The following CNTN5 variants were observed in gnomAD, a reference collection of about 807,000 sequenced individuals.
The protein encoded by CNTN5 is contactin 5.
A neutral mutation model predicts 129.1 loss-of-function variants in CNTN5; 77 were observed. The observed-to-expected ratio is 0.60, with a 90% CI of 0.50 to 0.72. The LOEUF is 0.72. CNTN5 is among the 30% of genes least tolerant of loss of function. The probability of loss-of-function intolerance (pLI) is 0.00; values close to 1 mark genes in which losing one functional copy is unlikely to be tolerated. For missense variants in CNTN5, 1,478 were observed against 1,328.8 expected (o/e 1.11, Z -1.75); for synonymous variants, 509 against 465.6 (o/e 1.09, Z -1.20).
intron 1 of CNTN5, among the ~76,000 whole-genome samples, chr11:99,084,114 G>GTGC (rs1555038276): frequency 6.6e-5 from 10 of 152,112 alleles, no homozygotes; most frequent in Non-Finnish European, 1.2e-4. Context: ...GTATCCACAC[G>GTGC]TGCTACACTT....
intron 1 of CNTN5, among the ~76,000 whole-genome samples, chr11:99,174,852 G>A (rs1857697027): frequency 6.6e-6 from 1 of 152,010 alleles, no homozygotes; most frequent in Non-Finnish European, 1.5e-5. Context: ...TACTTGTTAT[G>A]TGATAAAATT....
chr11:99,425,886 G>A (rs570081251), intron 2 of CNTN5, among the ~76,000 whole-genome samples: 1 of 152,348 alleles, frequency 6.6e-6, no homozygotes, highest in Non-Finnish European at 1.5e-5. Flanking sequence ...TGTCTTCACA[G>A]CGCTGCTCCA....
intron 10 of CNTN5, among the ~76,000 whole-genome samples, chr11:100,063,706 TAAAAAAAAAAA>T (rs35896237): frequency 1.7e-5 from 2 of 115,266 alleles, no homozygotes; most frequent in East Asian, 5.1e-4. Flanking sequence ...AACCTGTCTC[TAAAAAAAAAAA>T]AAAAAAAAAA....
intron 1 of CNTN5, among the ~76,000 whole-genome samples, chr11:99,238,837 AC>A (rs1768297949): frequency 6.6e-6 from 1 of 152,200 alleles, no homozygotes; most frequent in South Asian, 2.1e-4. Context: ...TTGAAACAAT[AC>A]TAAGATAAAT....
At chr11:100,006,993 A>T (rs1940233217) in intron 9 of CNTN5, among the ~76,000 whole-genome samples, 2 of 152,144 alleles carry the variant, frequency 1.3e-5, no homozygotes, top group African/African-American at 4.8e-5. Context: ...CATCTACATC[A>T]GAACTCTTGG....
intron 9 of CNTN5, among the ~76,000 whole-genome samples, chr11:100,039,034 T>C (rs2057907207): frequency 6.6e-6 from 1 of 152,202 alleles, no homozygotes; most frequent in Non-Finnish European, 1.5e-5. Flanking sequence ...GTTATTTTGC[T>C]CATTAGTTGA....
intron 8 of CNTN5, among the ~76,000 whole-genome samples, chr11:99,962,507 A>G (rs1346345189): frequency 6.6e-6 from 1 of 151,834 alleles, no homozygotes; most frequent in African/African-American, 2.4e-5. Flanking sequence ...TTATGGCTGC[A>G]TAGTATTCCA....
At chr11:99,524,017 T>C in intron 2 of CNTN5, among the ~76,000 whole-genome samples, 1 of 152,272 alleles carries the variant, frequency 6.6e-6, no homozygotes, top group East Asian at 1.9e-4. Context: ...CTTTTTTTTC[T>C]GGCTGAAATT....
chr11:99,124,229 G>T (rs919090327), intron 1 of CNTN5, among the ~76,000 whole-genome samples: 4 of 152,050 alleles, frequency 2.6e-5, no homozygotes, highest in Non-Finnish European at 5.9e-5. Flanking sequence ...AATTCTCATT[G>T]TGGAGAGCTT....
intron 2 of CNTN5, among the ~76,000 whole-genome samples, chr11:99,330,178 G>A (rs1865944085): frequency 6.6e-6 from 1 of 150,442 alleles, no homozygotes; most frequent in African/African-American, 2.4e-5. Context: ...GGGAGGGGAG[G>A]GAGGAGGGAG....
At chr11:100,155,681 C>T (rs1298681847) in intron 13 of CNTN5, among the ~76,000 whole-genome samples, 1 of 152,058 alleles carries the variant, frequency 6.6e-6, no homozygotes. Flanking sequence ...TTGTTTGTGT[C>T]CTCTCTGATT....
rs186910738 is a variant in CNTN5 at position 99,637,005 on chromosome 11, T to C, written c.55+80736T>C. On this transcript the variant is annotated intron_variant, in intron 3 of 24. Coordinates refer to ENST00000524871, the MANE Select transcript of CNTN5 (RefSeq NM_014361.4). ...TCCAGCCTGGTGACAGAGCTAACTT[T>C]GTCTCAAAAAAAAAAAAAAAAAAAA... Among the ~76,000 whole-genome samples the C allele has an allele frequency of 8.9e-4, 4 of 4,508 alleles. 2 individuals are homozygous for C. The Middle Eastern group carries it at 1, about 1,127-fold the overall frequency. 3.0% of individuals were successfully genotyped at this position (4,508 alleles called of 152,430 possible).
intron 6 of CNTN5, among the ~76,000 whole-genome samples, chr11:99,852,502 A>G (rs946816484): frequency 6.6e-6 from 1 of 152,208 alleles, no homozygotes; most frequent in Admixed American, 6.5e-5. Flanking sequence ...AAAGCAAATT[A>G]TGAAGAGTGA....
At chr11:100,310,196 A>G (rs369494787) in intron 21 of CNTN5, among the ~76,000 whole-genome samples, 22 of 152,020 alleles carry the variant, frequency 1.4e-4, no homozygotes, top group Admixed American at 9.9e-4. Context: ...AAACCTCTGA[A>G]TCGGAACATC....
chr11:99,285,357 T>C (rs1863887332), intron 1 of CNTN5, among the ~76,000 whole-genome samples: 1 of 152,190 alleles, frequency 6.6e-6, no homozygotes, highest in Admixed American at 6.5e-5. Context: ...CTAGGGTTTT[T>C]CTTTTTCTGA....
chr11:100,106,032 T>A (rs1449565107), intron 13 of CNTN5, among the ~76,000 whole-genome samples: 4 of 152,158 alleles, frequency 2.6e-5, no homozygotes, highest in Non-Finnish European at 5.9e-5. Flanking sequence ...TCATAAGGCT[T>A]ACCATGAATG....
chr11:99,747,382 A>G (rs1002471217), intron 3 of CNTN5, among the ~76,000 whole-genome samples: 1 of 151,882 alleles, frequency 6.6e-6, no homozygotes, highest in African/African-American at 2.4e-5. Flanking sequence ...CTTCTTTTCC[A>G]ATTCGAATAT....
chr11:99,921,721 TAG>T (rs1949944740), intron 7 of CNTN5, among the ~76,000 whole-genome samples: 1 of 152,122 alleles, frequency 6.6e-6, no homozygotes, highest in South Asian at 2.1e-4. Flanking sequence ...CCCCATTGCC[TAG>T]GACAGAGTAT....
intron 2 of CNTN5, among the ~76,000 whole-genome samples, chr11:99,481,094 T>C (rs1174958857): frequency 6.6e-6 from 1 of 151,994 alleles, no homozygotes; most frequent in Non-Finnish European, 1.5e-5. Flanking sequence ...CCACAGAGGA[T>C]TGGCATTTAA....
Sources: gnomAD v4.1 joint callset for allele counts (sites outside exome capture counted in the v4.1 genomes callset) on GRCh38, gnomAD v4.1.1 for gene constraint, MANE v1.5 for transcripts, NCBI Gene and HGNC (gene_info 2026-07-23, HGNC 2026-07-21) for gene names.